The following GRIK2 variants were observed in gnomAD, a reference collection of about 807,000 sequenced individuals.
The protein encoded by GRIK2 is glutamate receptor ionotropic, kainate 2.
Under a neutral mutation model 100.3 loss-of-function variants are expected in GRIK2, and 32 were observed. The ratio of observed to expected loss-of-function variants is 0.32; its 90% CI spans 0.24 to 0.43. The LOEUF is 0.43. Ranked by LOEUF, GRIK2 falls within the 20% of genes least tolerant of loss-of-function variation. The probability of loss-of-function intolerance (pLI) is 1.00; values close to 1 mark genes in which losing one functional copy is unlikely to be tolerated. For synonymous variants in GRIK2, 417 were observed against 389.4 expected (o/e 1.07, Z -0.83); for missense variants, 843 against 1,114.9 (o/e 0.76, Z 3.47).
At chr6:101,761,893 CCTT>C (rs1415759785) in intron 7 of GRIK2, among the ~76,000 whole-genome samples, 6 of 126,436 alleles carry the variant, frequency 4.7e-5, no homozygotes, top group East Asian at 2.5e-4. Context: ...TTCCTTCCTC[CCTT>C]CTTTTCTTTT....
intron 2 of GRIK2, among the ~76,000 whole-genome samples, chr6:101,467,125 T>G (rs887858139): frequency 3.9e-5 from 6 of 152,152 alleles, no homozygotes; most frequent in Admixed American, 2.6e-4. Flanking sequence ...ATGTTTTTAT[T>G]GTATAATTTA....
At chr6:101,453,067 T>G (rs900553578) in intron 2 of GRIK2, among the ~76,000 whole-genome samples, 3 of 151,896 alleles carry the variant, frequency 2.0e-5, no homozygotes, top group Admixed American at 1.3e-4. Flanking sequence ...GTATTGACTC[T>G]CTACATATTA....
At chr6:101,613,692 C>G (rs1449372832) in intron 2 of GRIK2, among the ~76,000 whole-genome samples, 2 of 150,562 alleles carry the variant, frequency 1.3e-5, no homozygotes, top group African/African-American at 4.9e-5. Flanking sequence ...TGGCCACTCT[C>G]TCATAATTTG....
At chr6:101,921,738 AG>A (rs1789534149) in intron 12 of GRIK2, among the ~76,000 whole-genome samples, 1 of 152,120 alleles carries the variant, frequency 6.6e-6, no homozygotes, top group South Asian at 2.1e-4. Context: ...GGAGATAAAA[AG>A]AATTGACTTA....
In GRIK2 at chr6:102,047,323, A is replaced by AGAG. The variant is rs1770945493; in HGVS notation, c.2312-8005_2312-8003dup. Among the ~76,000 whole-genome samples the AGAG allele has an allele frequency of 2.0e-5, 3 of 152,292 alleles. No homozygotes were observed. The South Asian group carries it at 6.2e-4, about 32-fold the overall frequency. Reference sequence around the variant, plus strand: ...CTTTTACTAGGCTAAGGGCAAAAAGAGAGGCGACTCAAAATCAGAAAGAAA... The same window carrying AGAG: ...CTTTTACTAGGCTAAGGGCAAAAAGAGAGGAGGCGACTCAAAATCAGAAAGAAA... On this transcript the variant is annotated intron_variant, in intron 15 of 16. Transcript: ENST00000369134.
chr6:101,585,210 A>G (rs1778299660), intron 2 of GRIK2, among the ~76,000 whole-genome samples: 2 of 152,202 alleles, frequency 1.3e-5, no homozygotes, highest in South Asian at 2.1e-4. Context: ...AAAGTTATCG[A>G]ATTTTCAAAA....
chr6:101,824,381 C>G (rs752053204), intron 10 of GRIK2, among the ~76,000 whole-genome samples: 1 of 152,096 alleles, frequency 6.6e-6, no homozygotes, highest in Non-Finnish European at 1.5e-5. Context: ...TGACAACATA[C>G]AGTGTTTGGT....
At chr6:101,574,082 T>A (rs936223507) in intron 2 of GRIK2, among the ~76,000 whole-genome samples, 1 of 151,476 alleles carries the variant, frequency 6.6e-6, no homozygotes, top group African/African-American at 2.4e-5. Context: ...CTTGATTGTA[T>A]TTTCTATTGA....
chr6:101,736,502 C>T (rs1401015010), intron 7 of GRIK2, among the ~76,000 whole-genome samples: 2 of 152,190 alleles, frequency 1.3e-5, no homozygotes, highest in African/African-American at 2.4e-5. Context: ...ACAGGCTTAA[C>T]ACCACATGGA....
chr6:101,706,480 T>C (rs942376575), intron 7 of GRIK2, among the ~76,000 whole-genome samples: 1 of 151,954 alleles, frequency 6.6e-6, no homozygotes, highest in Non-Finnish European at 1.5e-5. Context: ...AATAGGTGTA[T>C]ATATCATCAA....
chr6:101,610,303 A>G (rs1235062738), intron 2 of GRIK2, among the ~76,000 whole-genome samples: 2 of 151,682 alleles, frequency 1.3e-5, no homozygotes. Flanking sequence ...TTTATGAATA[A>G]TACTATTAAA....
intron 14 of GRIK2, among the ~76,000 whole-genome samples, chr6:101,988,116 TGTGTGTGTGTGTGTGTGCGCGC>T (rs1794127108): frequency 2.2e-5 from 1 of 45,252 alleles, no homozygotes; most frequent in Non-Finnish European, 4.2e-5. Flanking sequence ...TGTGTGTGTG[TGTGTGTGTGTGTGTGTGCGCGC>T]GCGCGCGCGC....
At chr6:101,799,609 T>C (rs545075875) in intron 7 of GRIK2, 39 bp from the exon 8 acceptor site, 67 of 1,559,996 alleles carry the variant, frequency 4.3e-5, no homozygotes, top group South Asian at 3.1e-4. Context: ...GTTCTACAAG[T>C]TATATTGACT....
chr6:101,851,198 GA>G (rs1256328116), intron 10 of GRIK2, among the ~76,000 whole-genome samples: 2 of 151,996 alleles, frequency 1.3e-5, no homozygotes, highest in Non-Finnish European at 2.9e-5. Context: ...ATCTCAGAGG[GA>G]TCAACAAATT....
intron 7 of GRIK2, among the ~76,000 whole-genome samples, chr6:101,702,616 G>A (rs1351758423): frequency 6.6e-6 from 1 of 151,848 alleles, no homozygotes; most frequent in Non-Finnish European, 1.5e-5. Flanking sequence ...TAGAGCTATA[G>A]TGGTGACTTA....
At chr6:101,890,848 G>A (rs1787006043) in intron 12 of GRIK2, among the ~76,000 whole-genome samples, 1 of 151,344 alleles carries the variant, frequency 6.6e-6, no homozygotes, top group Non-Finnish European at 1.5e-5. Context: ...ATGGAGTTAA[G>A]CCACATATTC....
At chr6:101,967,024 C>A (rs1432421337) in intron 14 of GRIK2, among the ~76,000 whole-genome samples, 1 of 151,660 alleles carries the variant, frequency 6.6e-6, no homozygotes, top group Non-Finnish European at 1.5e-5. Flanking sequence ...AAATTTTGTT[C>A]AAGCTGACAA....
intron 14 of GRIK2, among the ~76,000 whole-genome samples, chr6:101,942,413 T>A (rs1335344507): frequency 6.6e-6 from 1 of 152,180 alleles, no homozygotes; most frequent in African/African-American, 2.4e-5. Flanking sequence ...GGAAGAGATT[T>A]GAACAATTCT....
intron 2 of GRIK2, among the ~76,000 whole-genome samples, chr6:101,449,182 A>G (rs1302590616): frequency 6.6e-6 from 1 of 151,772 alleles, no homozygotes; most frequent in Non-Finnish European, 1.5e-5. Context: ...TTTTAACCTC[A>G]TTTGTAATCA....
Sources: allele counts gnomAD v4.1 joint callset (sites outside exome capture counted in the v4.1 genomes callset), GRCh38; gene constraint gnomAD v4.1.1; transcripts MANE v1.5; gene names NCBI Gene and HGNC (gene_info 2026-07-23, HGNC 2026-07-21).